ELAVL2: variants seen among roughly 807,000 people sequenced by gnomAD.
ELAVL2 encodes the protein ELAV like RNA binding protein 2, also known as ELAV-like protein 2.
In ELAVL2, 4 loss-of-function variants were observed where a neutral mutation model predicts 34.6. The ratio of observed to expected loss-of-function variants is 0.12; its 90% CI spans 0.06 to 0.26. ELAVL2 has a LOEUF of 0.26. ELAVL2 is among the 10% of genes least tolerant of loss of function. The pLI, the probability that ELAVL2 is intolerant of heterozygous loss-of-function variation, is 1.00. For missense variants in ELAVL2, 432 were observed against 442.8 expected, an observed-to-expected ratio of 0.98 and a Z score of 0.22; for synonymous variants, 193 against 154.8, an observed-to-expected ratio of 1.25 and a Z score of -1.83.
chr9:23,849,038 C>T, the ELAVL2 span, among the ~76,000 whole-genome samples: 1 of 152,134 alleles, frequency 6.6e-6, no homozygotes, highest in Admixed American at 6.5e-5. Context: ...TAGAATTCTC[C>T]AGAGCAAAGG....
At chr9:23,814,461 C>T (rs1345477711) in intron 1 of ELAVL2, among the ~76,000 whole-genome samples, 1 of 152,110 alleles carries the variant, frequency 6.6e-6, no homozygotes, top group Non-Finnish European at 1.5e-5. Context: ...GTGGGTAGTT[C>T]AAATTCCTTG....
intron 1 of ELAVL2, among the ~76,000 whole-genome samples, chr9:23,793,334 A>G (rs1430622304): frequency 6.6e-6 from 1 of 152,146 alleles, no homozygotes; most frequent in Non-Finnish European, 1.5e-5. Context: ...TCAGCTCCAC[A>G]TAAATAGAAA....
intron 2 of ELAVL2, among the ~76,000 whole-genome samples, 161 bp from the exon 3 acceptor site, chr9:23,731,286 TCTC>T (rs974390199): frequency 6.6e-6 from 1 of 151,984 alleles, no homozygotes; most frequent in Non-Finnish European, 1.5e-5. Flanking sequence ...AGTCTTTATG[TCTC>T]CTGTCTACTA....
At chr9:23,824,623 TCCA>T (rs1317204274) in intron 1 of ELAVL2, among the ~76,000 whole-genome samples, 1 of 152,090 alleles carries the variant, frequency 6.6e-6, no homozygotes, top group Non-Finnish European at 1.5e-5. Flanking sequence ...AGCAGCTTGT[TCCA>T]CCACCACCAC....
chr9:23,783,921 G>A (rs2059378385), intron 1 of ELAVL2, among the ~76,000 whole-genome samples: 1 of 150,298 alleles, frequency 6.7e-6, no homozygotes, highest in Admixed American at 6.6e-5. Flanking sequence ...CAGGCCGGGC[G>A]CGGTGGCTCA....
intron 3 of ELAVL2, among the ~76,000 whole-genome samples, chr9:23,718,439 C>A (rs1472392161): frequency 1.3e-5 from 2 of 152,158 alleles, no homozygotes; most frequent in Non-Finnish European, 2.9e-5. Context: ...CTTTCAAGGG[C>A]AGCCTGTCTT....
intron 4 of ELAVL2, among the ~76,000 whole-genome samples, chr9:23,703,873 T>C (rs2038363921): frequency 6.6e-6 from 1 of 152,184 alleles, no homozygotes; most frequent in South Asian, 2.1e-4. Flanking sequence ...CTCCTCACAA[T>C]GTTTCTCTAT....
chr9:23,779,164 C>G, intron 1 of ELAVL2: 1 of 983,098 alleles, frequency 1.0e-6, no homozygotes, highest in Non-Finnish European at 1.2e-6. Context: ...TCATGACAAA[C>G]CACAAATTGT....
chr9:23,748,298 C>G (rs1015746148), intron 2 of ELAVL2, among the ~76,000 whole-genome samples: 1 of 152,156 alleles, frequency 6.6e-6, no homozygotes. Context: ...AGATTTCCTT[C>G]AAGTGCTCAG....
intron 1 of ELAVL2, among the ~76,000 whole-genome samples, chr9:23,824,251 T>G (rs1282614114): frequency 1.3e-5 from 2 of 152,194 alleles, no homozygotes; most frequent in African/African-American, 4.8e-5. Context: ...CACAGTTGTA[T>G]AGCTTTCGTA....
intron 2 of ELAVL2, among the ~76,000 whole-genome samples, chr9:23,743,114 T>C (rs1196942680): frequency 1.3e-5 from 2 of 152,180 alleles, no homozygotes; most frequent in Non-Finnish European, 2.9e-5. Flanking sequence ...GTAAAGGCTA[T>C]GGGTCAGATG....
At chr9:23,727,126 A>G (rs1215183423) in intron 3 of ELAVL2, among the ~76,000 whole-genome samples, 2 of 152,118 alleles carry the variant, frequency 1.3e-5, no homozygotes, top group African/African-American at 2.4e-5. Context: ...CACTGGGGAT[A>G]CTGTGGGCAG....
chr9:23,761,949 TCTC>T (rs1362625831), intron 2 of ELAVL2, 54 bp downstream of exon 2: 14 of 1,512,844 alleles, frequency 9.3e-6, no homozygotes, highest in Admixed American at 2.2e-5. Flanking sequence ...CTTATTATTT[TCTC>T]CTATCTTGAG....
At chr9:23,819,686 T>C (rs1645334341) in intron 1 of ELAVL2, among the ~76,000 whole-genome samples, 1 of 152,086 alleles carries the variant, frequency 6.6e-6, no homozygotes, top group Non-Finnish European at 1.5e-5. Context: ...CAGCACAAAG[T>C]TACCCAAATA....
Position 23,693,478 on chromosome 9 carries a change from T to C in ELAVL2, c.722A>G (p.Asn241Ser), listed in dbSNP as rs768535058. 1.2e-5 allele frequency: 20 copies of C among 1,614,004 alleles called. No homozygotes were observed. Among genetic ancestry groups the C allele is most frequent in the East Asian group, 2.2e-5 (1 of 44,868 alleles). The change falls in exon 6 of 7, where the codon AAT (asparagine) becomes AGT (serine). Residue 241 changes from asparagine (N) to serine (S), a missense_variant. By Grantham distance (46) the Asn-to-Ser change is conservative. Around this residue, in one of 3 missense-constraint regions of ELAVL2, gnomAD observed 295 missense variants for 306.1 expected, o/e 0.96. Coordinates refer to ENST00000397312, the MANE Select transcript of ELAVL2 (RefSeq NM_004432.5). ...TACTCCATAAGCCATATTGAGCAGA[T>C]TGTCCAACCTGCAAAACACACATTT... ...AQQAQRFRLD[N>S]LLNMAYGVKR...
chr9:23,844,876 T>G, the ELAVL2 span, among the ~76,000 whole-genome samples: 2 of 151,980 alleles, frequency 1.3e-5, no homozygotes, highest in African/African-American at 4.8e-5. Context: ...GACTTCATAT[T>G]CAAAAGGATT....
the ELAVL2 span, among the ~76,000 whole-genome samples, chr9:23,847,682 T>C: frequency 4.6e-5 from 7 of 152,268 alleles, no homozygotes; most frequent in East Asian, 1.4e-3. Flanking sequence ...AAGTGTACTT[T>C]TACATTTTAA....
At chr9:23,776,736 T>TTTA (rs1462570753) in intron 1 of ELAVL2, among the ~76,000 whole-genome samples, 1 of 94,364 alleles carries the variant, frequency 1.1e-5, no homozygotes, top group African/African-American at 4.7e-5. Context: ...AATAGTTTGC[T>TTTA]ATCAAAAAAA....
At chr9:23,806,483 A>G (rs1384590468) in intron 1 of ELAVL2, among the ~76,000 whole-genome samples, 1 of 152,086 alleles carries the variant, frequency 6.6e-6, no homozygotes, top group Non-Finnish European at 1.5e-5. Flanking sequence ...AAAAAAATTT[A>G]AAAATTAGCC....
Sources: allele counts gnomAD v4.1 joint callset (sites outside exome capture counted in the v4.1 genomes callset), GRCh38; gene constraint gnomAD v4.1.1; regional missense constraint gnomAD v4.1.1; transcripts MANE v1.5; gene names NCBI Gene and HGNC (gene_info 2026-07-23, HGNC 2026-07-21).